Variants in GPC5 observed in about 807,000 individuals in gnomAD.
GPC5 encodes glypican 5.
In GPC5, 47 loss-of-function variants were observed where a neutral mutation model predicts 53.9. The ratio of observed to expected loss-of-function variants is 0.87; its 90% CI spans 0.69 to 1.11. The LOEUF is 1.11. GPC5 is among the 50% of genes most tolerant of loss of function. The pLI is 0.00. For synonymous variants in GPC5, 286 were observed against 263.3 expected (o/e 1.09, Z -0.84); for missense variants, 748 against 713.1 (o/e 1.05, Z -0.56).
At chr13:92,303,891 A>T (rs541231844) in intron 7 of GPC5, among the ~76,000 whole-genome samples, 1 of 152,326 alleles carries the variant, frequency 6.6e-6, no homozygotes, top group East Asian at 1.9e-4. Context: ...TAAGTTTATA[A>T]GTGCATAAAC....
chr13:91,625,499 T>C (rs2139388636), intron 2 of GPC5, among the ~76,000 whole-genome samples: 1 of 152,136 alleles, frequency 6.6e-6, no homozygotes, highest in South Asian at 2.1e-4. Flanking sequence ...AGTCATTTAG[T>C]CGTGCGGAAA....
intron 5 of GPC5, among the ~76,000 whole-genome samples, chr13:91,891,050 AAGAAC>A (rs1345675294): frequency 6.6e-6 from 1 of 152,206 alleles, no homozygotes; most frequent in Non-Finnish European, 1.5e-5. Context: ...ACAGGGTATC[AAGAAC>A]AGAGCTGTTC....
At chr13:92,401,278 C>A (rs1473134327) in intron 7 of GPC5, among the ~76,000 whole-genome samples, 1 of 150,904 alleles carries the variant, frequency 6.6e-6, no homozygotes. Flanking sequence ...GTCTTTATAT[C>A]TCCTGGGTGC....
chr13:92,243,248 C>T (rs2042626688), intron 7 of GPC5, among the ~76,000 whole-genome samples: 1 of 152,142 alleles, frequency 6.6e-6, no homozygotes, highest in Non-Finnish European at 1.5e-5. Context: ...ATTTTGAACC[C>T]TTTCCCTTCT....
chr13:91,909,730 A>G (rs1444310987), intron 6 of GPC5, among the ~76,000 whole-genome samples: 1 of 152,098 alleles, frequency 6.6e-6, no homozygotes, highest in Non-Finnish European at 1.5e-5. Context: ...AAAAAAACAC[A>G]TTTACAGAGA....
chr13:91,687,755 C>G (rs1384823976), intron 2 of GPC5, among the ~76,000 whole-genome samples: 1 of 151,948 alleles, frequency 6.6e-6, no homozygotes, highest in Non-Finnish European at 1.5e-5. Context: ...AAATTTTATT[C>G]CTAATCTGTT....
At chr13:91,572,201 GTATATATACGTGTATATA>G (rs2031935105) in intron 2 of GPC5, among the ~76,000 whole-genome samples, 1 of 124,042 alleles carries the variant, frequency 8.1e-6, no homozygotes, top group Non-Finnish European at 1.7e-5. Flanking sequence ...ACACACATAT[GTATATATACGTGTATATA>G]TATACACATA....
At position 92,031,179 on chromosome 13, in the gene GPC5, C is replaced by T. The variant is rs540846542; in HGVS notation, c.1402-113651C>T. Among the ~76,000 whole-genome samples, 17 of 152,160 alleles carry T rather than the reference C, an allele frequency of 1.1e-4. No individual in the cohort carries two copies. In the East Asian group the frequency reaches 1.2e-3, roughly 10 times the overall value. ...TCATGTGCCTTACTCAGCCATTGCGCGATGTATTTCCTCAGGCTTACCCTT... is the reference window on the plus strand; with the variant it reads ...TCATGTGCCTTACTCAGCCATTGCGTGATGTATTTCCTCAGGCTTACCCTT... On this transcript the variant is annotated intron_variant, in intron 6 of 7. Transcript: ENST00000377067.
At chr13:92,281,413 A>T (rs2042914774) in intron 7 of GPC5, among the ~76,000 whole-genome samples, 1 of 152,188 alleles carries the variant, frequency 6.6e-6, no homozygotes, top group South Asian at 2.1e-4. Context: ...TTCTCCCAGC[A>T]CAGAGTTTGA....
intron 6 of GPC5, 29 bp from the exon 7 acceptor site, chr13:92,144,801 A>C (rs563782786): frequency 6.3e-7 from 1 of 1,591,486 alleles, no homozygotes; most frequent in African/African-American, 1.4e-5. Context: ...ATTTGCTATT[A>C]GTAAAGGCCT....
intron 7 of GPC5, among the ~76,000 whole-genome samples, chr13:92,553,314 C>T (rs1170187242): frequency 6.6e-6 from 1 of 151,918 alleles, no homozygotes; most frequent in Non-Finnish European, 1.5e-5. Flanking sequence ...ATTTCTGTTC[C>T]ATTGCCTATG....
intron 7 of GPC5, among the ~76,000 whole-genome samples, chr13:92,503,383 A>G (rs1182377421): frequency 6.6e-6 from 1 of 151,768 alleles, no homozygotes; most frequent in Non-Finnish European, 1.5e-5. Flanking sequence ...AATTTGTGGG[A>G]TGCAGCTAAA....
At chr13:92,425,469 C>T (rs919883275) in intron 7 of GPC5, among the ~76,000 whole-genome samples, 1 of 151,968 alleles carries the variant, frequency 6.6e-6, no homozygotes, top group Non-Finnish European at 1.5e-5. Flanking sequence ...CCACGACAGT[C>T]CTATGGCAAA....
At chr13:92,101,179 GAA>G (rs2041463901) in intron 6 of GPC5, among the ~76,000 whole-genome samples, 1 of 152,134 alleles carries the variant, frequency 6.6e-6, no homozygotes, top group African/African-American at 2.4e-5. Flanking sequence ...AATTTGAAAT[GAA>G]ATATCTTACC....
chr13:92,195,887 A>G (rs953965477), intron 7 of GPC5, among the ~76,000 whole-genome samples: 23 of 152,172 alleles, frequency 1.5e-4, no homozygotes, highest in African/African-American at 5.3e-4. Context: ...CTCACTGTGT[A>G]CCAGGACTCA....
intron 2 of GPC5, among the ~76,000 whole-genome samples, chr13:91,518,348 A>G (rs775547064): frequency 2.7e-4 from 41 of 152,170 alleles, no homozygotes; most frequent in Admixed American, 5.2e-4. Context: ...GCAACAGAGT[A>G]AGACCCCCAT....
At chr13:92,685,443 T>C (rs1400239779) in intron 7 of GPC5, among the ~76,000 whole-genome samples, 1 of 152,076 alleles carries the variant, frequency 6.6e-6, no homozygotes, top group African/African-American at 2.4e-5. Context: ...GTTACCACAT[T>C]TTTCCACATA....
chr13:91,906,120 G>C (rs772067573), intron 5 of GPC5, among the ~76,000 whole-genome samples: 1 of 151,868 alleles, frequency 6.6e-6, no homozygotes, highest in Non-Finnish European at 1.5e-5. Context: ...TAGAATCTTC[G>C]GGGTGTGACC....
Position 92,328,320 on chromosome 13 carries a change from C to A in GPC5, c.1561+183331C>A, listed in dbSNP as rs139981278. Among the ~76,000 whole-genome samples, 3 of 152,152 alleles carry A rather than the reference C, an allele frequency of 2.0e-5. No individual in the cohort carries two copies. In the East Asian group the frequency reaches 5.8e-4, roughly 30 times the overall value. On this transcript the variant is annotated intron_variant, in intron 7 of 7. Transcript: ENST00000377067. ...GGACTGCAAAACACAAATATACAAC[C>A]AGATAGGGAGTTCCCAAAAGGGAGA... is the stretch of plus-strand genomic sequence containing the variant.
Sources: allele counts gnomAD v4.1 joint callset (sites outside exome capture counted in the v4.1 genomes callset), GRCh38; gene constraint gnomAD v4.1.1; transcripts MANE v1.5; gene names NCBI Gene and HGNC (gene_info 2026-07-23, HGNC 2026-07-21).